The following ERICH6 variants were observed in gnomAD, a reference collection of about 807,000 sequenced individuals.
The protein encoded by ERICH6 is glutamate rich 6.
Under a neutral mutation model 71.0 loss-of-function variants are expected in ERICH6, and 71 were observed. The ratio of observed to expected loss-of-function variants is 1.00; its 90% CI spans 0.83 to 1.22. ERICH6 has a LOEUF of 1.22. ERICH6 is among the 50% of genes most tolerant of loss of function. ERICH6 has a pLI of 0.00. For missense variants in ERICH6, 808 were observed against 797.2 expected (o/e 1.01, Z -0.16); for synonymous variants, 262 against 278.4 (o/e 0.94, Z 0.59).
At chr3:150,667,333 T>C (rs1727462112) in intron 12 of ERICH6, among the ~76,000 whole-genome samples, 1 of 152,084 alleles carries the variant, frequency 6.6e-6, no homozygotes. Flanking sequence ...GAAGAGTAGA[T>C]TAATCCTGAA....
At chr3:150,686,221 C>G in intron 4 of ERICH6, 77 bp downstream of exon 4, 3 of 1,514,166 alleles carry the variant, frequency 2.0e-6, no homozygotes, top group Non-Finnish European at 2.8e-6. Context: ...CAGATGGGCT[C>G]TGTGCGAGTT....
At chr3:150,669,753 A>G (rs1049376035) in intron 11 of ERICH6, among the ~76,000 whole-genome samples, 4 of 152,250 alleles carry the variant, frequency 2.6e-5, no homozygotes, top group Non-Finnish European at 5.9e-5. Flanking sequence ...TTAATATACC[A>G]TATTAATAAA....
At chr3:150,666,653 T>C (rs1014461775) in intron 13 of ERICH6, 134 bp downstream of exon 13, 21 of 761,046 alleles carry the variant, frequency 2.8e-5, no homozygotes, top group Non-Finnish European at 4.2e-5. Context: ...TACATGTTTT[T>C]CCATTGAATT....
In ERICH6 at chr3:150,703,700, A is replaced by G. The variant is rs1163378757; in HGVS notation, c.199T>C (p.Leu67=). ...TCGCTGAACGTCTCAGGGGCCTCCAACTCCTGCTCTTCCCCCACCAACTCC... is the reference window on the plus strand; with the variant it reads ...TCGCTGAACGTCTCAGGGGCCTCCAGCTCCTGCTCTTCCCCCACCAACTCC... ...EEELVGEEQE[L]EAPETFSEEY... The change falls in exon 1 of 14, where the codon TTG becomes CTG. Residue 67 remains leucine, a synonymous_variant. Transcript: ENST00000295910. The G allele has an allele frequency of 6.3e-7, 1 of 1,589,714 alleles. No homozygotes were observed. The highest frequency in any genetic ancestry group is 8.6e-7 in the Non-Finnish European group (1 of 1,169,000).
At chr3:150,671,603 C>T (rs960493838) in intron 11 of ERICH6, among the ~76,000 whole-genome samples, 3 of 152,114 alleles carry the variant, frequency 2.0e-5, no homozygotes, top group Non-Finnish European at 2.9e-5. Context: ...ATTTCTAGCC[C>T]TATATGTTTA....
At chr3:150,673,604 T>C (rs1323132326) in intron 11 of ERICH6, among the ~76,000 whole-genome samples, 1 of 152,190 alleles carries the variant, frequency 6.6e-6, no homozygotes, top group Non-Finnish European at 1.5e-5. Flanking sequence ...TGTTTGTTTT[T>C]CTGAGACACG....
chr3:150,662,510 T>C (rs1197123215), intron 13 of ERICH6, among the ~76,000 whole-genome samples: 2 of 152,136 alleles, frequency 1.3e-5, no homozygotes, highest in Non-Finnish European at 2.9e-5. Flanking sequence ...CATGGAACAC[T>C]TATAAAAATT....
chr3:150,698,214 A>G (rs1210528702), intron 3 of ERICH6, among the ~76,000 whole-genome samples: 2 of 151,966 alleles, frequency 1.3e-5, no homozygotes, highest in South Asian at 2.1e-4. Context: ...CCACACTTTA[A>G]TATCACTGAG....
intron 3 of ERICH6, among the ~76,000 whole-genome samples, chr3:150,688,919 G>T (rs749398691): frequency 2.6e-5 from 4 of 152,204 alleles, no homozygotes; most frequent in Non-Finnish European, 5.9e-5. Flanking sequence ...TGTGTCACAG[G>T]TGCGCATCCT....
chr3:150,680,718 C>T (rs558724694), intron 8 of ERICH6, 55 bp downstream of exon 8: 39 of 1,564,686 alleles, frequency 2.5e-5, no homozygotes, highest in Admixed American at 1.2e-4. Context: ...ATTTACAAAA[C>T]GAGCTCCGAT....
chr3:150,675,506 G>T (rs76178723), intron 10 of ERICH6, among the ~76,000 whole-genome samples: 1 of 151,962 alleles, frequency 6.6e-6, no homozygotes, highest in Non-Finnish European at 1.5e-5. Context: ...GTGCCACCAC[G>T]CCTGGCTAAT....
chr3:150,694,493 T>C (rs1712577203), intron 3 of ERICH6, among the ~76,000 whole-genome samples: 1 of 152,226 alleles, frequency 6.6e-6, no homozygotes, highest in Non-Finnish European at 1.5e-5. Context: ...TTTATCTTAT[T>C]TAAAGTGCTG....
intron 1 of ERICH6, among the ~76,000 whole-genome samples, chr3:150,702,509 C>T (rs1712928503): frequency 6.6e-6 from 1 of 152,180 alleles, no homozygotes; most frequent in Non-Finnish European, 1.5e-5. Context: ...ATCTCCCGAC[C>T]TCGTGATCTG....
Position 150,680,888 on chromosome 3 carries a change from A to G in ERICH6, c.925T>C (p.Tyr309His), listed in dbSNP as rs890009600. Reference protein sequence around the residue: ...IAFQNLIDYIYEEQIKTKPPK... With the variant: ...IAFQNLIDYIHEEQIKTKPPK... Reference sequence around the variant, plus strand: ...GGTTTGGTTTTTATTTGCTCCTCATAGATATAGTCAATCAGATTTTGGAAA... The same window carrying G: ...GGTTTGGTTTTTATTTGCTCCTCATGGATATAGTCAATCAGATTTTGGAAA... Residue 309 changes from tyrosine to histidine, a missense_variant, in exon 8 of 14, where the codon TAT (tyrosine) becomes CAT (histidine). Transcript: ENST00000295910. 1.2e-6 allele frequency: 2 copies of G among 1,612,904 alleles called. No homozygotes were observed. The highest frequency in any genetic ancestry group is 4.5e-5 in the East Asian group (2 of 44,874).
chr3:150,662,679 T>C (rs972460555), intron 13 of ERICH6, among the ~76,000 whole-genome samples: 2 of 151,918 alleles, frequency 1.3e-5, no homozygotes, highest in African/African-American at 4.8e-5. Context: ...AAATGGGTAT[T>C]CTAAATTATT....
At chr3:150,675,897 C>G (rs552813682) in intron 10 of ERICH6, among the ~76,000 whole-genome samples, 1 of 143,862 alleles carries the variant, frequency 7.0e-6, no homozygotes, top group South Asian at 2.2e-4. Flanking sequence ...TGCAGTTTCA[C>G]TATGATGTGT....
intron 13 of ERICH6, among the ~76,000 whole-genome samples, chr3:150,663,992 T>C (rs927622055): frequency 1.3e-5 from 2 of 151,940 alleles, no homozygotes; most frequent in African/African-American, 4.8e-5. Flanking sequence ...GGAGTGAATA[T>C]AGAGAAAAGA....
intron 13 of ERICH6, among the ~76,000 whole-genome samples, chr3:150,663,856 A>G (rs1244208842): frequency 6.6e-6 from 1 of 152,046 alleles, no homozygotes; most frequent in Non-Finnish European, 1.5e-5. Context: ...TCTCAAGTTC[A>G]TAGGAGATCT....
Position 150,666,814 on chromosome 3 carries a change from T to C in ERICH6, c.1701A>G (p.Ala567=), listed in dbSNP as rs1476806967. Residue 567 remains alanine, a synonymous_variant, in exon 13 of 14, where the codon GCA becomes GCG. Transcript: ENST00000295910. ...SITFLAMGQQ[A]RISVGTKVKL... is the part of the protein sequence containing the mutation. Reference sequence around the variant, plus strand: ...TCACTTTGGTTCCAACACTGATTCTTGCCTGTTGGCCCATTGCTAGAAAAG... The same window carrying C: ...TCACTTTGGTTCCAACACTGATTCTCGCCTGTTGGCCCATTGCTAGAAAAG... The C allele has an allele frequency of 6.2e-7, 1 of 1,614,208 alleles. No individual in the cohort carries two copies. Among genetic ancestry groups the C allele is most frequent in the South Asian group, 1.1e-5 (1 of 91,084 alleles).
Sources: allele counts gnomAD v4.1 joint callset (sites outside exome capture counted in the v4.1 genomes callset), GRCh38; gene constraint gnomAD v4.1.1; transcripts MANE v1.5; gene names NCBI Gene and HGNC (gene_info 2026-07-23, HGNC 2026-07-21).